The following EIF2AK3 variants were observed in gnomAD, a reference collection of about 807,000 sequenced individuals.
EIF2AK3 encodes eukaryotic translation initiation factor 2-alpha kinase 3.
In EIF2AK3, 50 loss-of-function variants were observed where a neutral mutation model predicts 113.5. The ratio of observed to expected loss-of-function variants is 0.44; its 90% CI spans 0.35 to 0.56. EIF2AK3 has a LOEUF of 0.56. Among genes scored for constraint, EIF2AK3 ranks in the 20% least tolerant of loss-of-function variants. The probability of loss-of-function intolerance (pLI) is 0.00; values close to 1 mark genes in which losing one functional copy is unlikely to be tolerated. For missense variants in EIF2AK3, 1,185 were observed against 1,378.0 expected, an observed-to-expected ratio of 0.86 and a Z score of 2.22; for synonymous variants, 448 against 495.4, an observed-to-expected ratio of 0.90 and a Z score of 1.27.
intron 1 of EIF2AK3, among the ~76,000 whole-genome samples, chr2:88,618,318 C>CTT (rs1179167414): frequency 6.6e-6 from 1 of 152,212 alleles, no homozygotes; most frequent in Non-Finnish European, 1.5e-5. Context: ...ATGAAAAACT[C>CTT]TTAACTTATT....
At chr2:88,563,009 A>G (rs1297169673) in intron 14 of EIF2AK3, among the ~76,000 whole-genome samples, 1 of 152,238 alleles carries the variant, frequency 6.6e-6, no homozygotes, top group African/African-American at 2.4e-5. Context: ...CTCAATAAAT[A>G]CTTAGTTGTT....
In EIF2AK3 at chr2:88,562,505, C is replaced by T. The variant is rs1421177829; in HGVS notation, c.2986-115G>A. On this transcript the variant is annotated intron_variant, in intron 14 of 16. Transcript: ENST00000303236. ...TCACTTCTTGGTTTAAATGCAAGTA[C>T]ATGTGTAAAAATGTTAGCAAAGAGT... The T allele has an allele frequency of 1.1e-5, 9 of 831,728 alleles. No homozygotes were observed. The East Asian group carries it at 2.3e-4, about 22-fold the overall frequency. The allele number at this position is 831,728 out of a possible 1,614,324, so 51.5% of individuals were successfully genotyped here.
At chr2:88,605,810 A>G (rs923241178) in intron 2 of EIF2AK3, among the ~76,000 whole-genome samples, 12 of 152,142 alleles carry the variant, frequency 7.9e-5, no homozygotes, top group African/African-American at 2.4e-4. Context: ...ATGGAAATAT[A>G]TATTTTTACT....
At chr2:88,614,203 T>G (rs889099503) in intron 1 of EIF2AK3, among the ~76,000 whole-genome samples, 3 of 152,208 alleles carry the variant, frequency 2.0e-5, no homozygotes, top group African/African-American at 7.2e-5. Flanking sequence ...CTTATCTTTT[T>G]GCTCTCATAG....
At chr2:88,627,671 T>TC (rs768715921), upstream of EIF2AK3, 1 of 184,450 alleles carries the variant, frequency 5.4e-6, no homozygotes, top group Non-Finnish European at 1.1e-5. Flanking sequence ...GAAATGCCCT[T>TC]CCCCGACGTC....
At chr2:88,620,290 TCCCCCC>T (rs1675690438) in intron 1 of EIF2AK3, among the ~76,000 whole-genome samples, 1 of 151,982 alleles carries the variant, frequency 6.6e-6, no homozygotes, top group African/African-American at 2.4e-5. Context: ...AGCTCCACAC[TCCCCCC>T]TTTCCATGGG....
rs760891399 is a variant in EIF2AK3, at chr2:88,613,735, T to A, written c.427A>T (p.Ser143Cys). ...GSGSLVSSSLSKPEVFGNKMI... is the reference protein window; with the variant it reads ...GSGSLVSSSLCKPEVFGNKMI... ...CAGAAAATTCTTACCTCTGGTTTGC[T>A]AAGGCTGGATGACACCAAGGAACCG... The change falls in exon 2 of 17, where the codon AGC (serine) becomes TGC (cysteine). Residue 143 changes from serine to cysteine, a missense_variant. Ser to Cys is a moderately radical substitution (Grantham distance 112). Transcript: ENST00000303236. 2.5e-6 allele frequency: 4 copies of A among 1,613,994 alleles called. No individual in the cohort carries two copies. In the South Asian group the frequency reaches 4.4e-5, roughly 18 times the overall value.
rs1228918071 is a variant in EIF2AK3 at position 88,585,865 on chromosome 2, C to A, written c.1626G>T (p.Arg542Ser). ...CIIATTFIVR[R>S]LFHPHPHRQR... ...CCCTGTGAGGATGAGGATGGAAAAGCCTGCGCACAATAAACGTTGTTGCTA... is the reference window on the plus strand; with the variant it reads ...CCCTGTGAGGATGAGGATGGAAAAGACTGCGCACAATAAACGTTGTTGCTA... Residue 542 changes from arginine to serine, a missense_variant, in exon 9 of 17, where the codon AGG (arginine) becomes AGT (serine). By Grantham distance (110) the Arg-to-Ser change is moderately radical (BLOSUM62 -1). Coordinates refer to ENST00000303236, the MANE Select transcript of EIF2AK3 (RefSeq NM_004836.7). 6.2e-7 allele frequency: 1 copy of A among 1,613,760 alleles called. No homozygotes were observed.
chr2:88,602,188 G>A (rs573771867), intron 2 of EIF2AK3, among the ~76,000 whole-genome samples: 2 of 151,980 alleles, frequency 1.3e-5, no homozygotes, highest in African/African-American at 2.4e-5. Flanking sequence ...TTCCTCATTC[G>A]GTTTTGGAAG....
chr2:88,606,543 G>T (rs1675284390), intron 2 of EIF2AK3, among the ~76,000 whole-genome samples: 1 of 152,170 alleles, frequency 6.6e-6, no homozygotes, highest in Admixed American at 6.5e-5. Context: ...AAAATAAACT[G>T]CCATCTTAGA....
intron 13 of EIF2AK3, among the ~76,000 whole-genome samples, chr2:88,572,871 A>AG (rs1674348449): frequency 6.6e-6 from 1 of 152,228 alleles, no homozygotes; most frequent in African/African-American, 2.4e-5. Context: ...AGAATAATGA[A>AG]GAAGGACCAG....
At chr2:88,613,603 A>G (rs2104469802) in intron 2 of EIF2AK3, 121 bp downstream of exon 2, 3 of 1,053,706 alleles carry the variant, frequency 2.8e-6, no homozygotes, top group Admixed American at 1.8e-5. Flanking sequence ...CCCTAAAGGG[A>G]CACAAACTGT....
At chr2:88,593,933 T>C (rs1674947250) in intron 3 of EIF2AK3, 5 of 993,456 alleles carry the variant, frequency 5.0e-6, no homozygotes, top group African/African-American at 1.7e-5. Flanking sequence ...ACCAGAATTA[T>C]GTAGCAGCAC....
intron 2 of EIF2AK3, among the ~76,000 whole-genome samples, chr2:88,602,060 C>T (rs1348450186): frequency 6.6e-6 from 1 of 151,832 alleles, no homozygotes; most frequent in East Asian, 1.9e-4. Flanking sequence ...ACCATGTTAG[C>T]CAGGGTGGTC....
chr2:88,626,023 C>G (rs1420527625), intron 1 of EIF2AK3, among the ~76,000 whole-genome samples: 1 of 152,014 alleles, frequency 6.6e-6, no homozygotes, highest in Non-Finnish European at 1.5e-5. Context: ...CAGAGCCCAG[C>G]CTTCCCTAGT....
At chr2:88,579,287 C>T (rs184034227) in intron 11 of EIF2AK3, among the ~76,000 whole-genome samples, 2 of 152,056 alleles carry the variant, frequency 1.3e-5, no homozygotes, top group East Asian at 3.8e-4. Context: ...AAACGAAAGT[C>T]CTGAGTTAAT....
At position 88,579,538 on chromosome 2, in the gene EIF2AK3, C is replaced by T. The variant is rs1426850006; in HGVS notation, c.1866G>A (p.Lys622=). 6.2e-7 allele frequency: 1 copy of T among 1,613,660 alleles called. No individual in the cohort carries two copies. The highest frequency in any genetic ancestry group is 8.5e-7 in the Non-Finnish European group (1 of 1,179,788). Reference sequence around the variant, plus strand: ...ATTACCTATTGGGGAGACGGATCCTCTTGATAGCATAATTGCAGTCATCTA... The same window carrying T: ...ATTACCTATTGGGGAGACGGATCCTTTTGATAGCATAATTGCAGTCATCTA... ...NKVDDCNYAI[K]RIRLPNRELA... The change falls in exon 11 of 17, where the codon AAG becomes AAA. Residue 622 remains lysine (K), a synonymous_variant. Transcript: ENST00000303236.
chr2:88,576,991 T>TC (rs1294263895), intron 11 of EIF2AK3, among the ~76,000 whole-genome samples: 3 of 151,920 alleles, frequency 2.0e-5, no homozygotes, highest in African/African-American at 7.3e-5. Context: ...GTTATACTTT[T>TC]TTTTTTTTTT....
At chr2:88,570,739 G>T in intron 14 of EIF2AK3, 135 bp downstream of exon 14, 1 of 1,116,332 alleles carries the variant, frequency 9.0e-7, no homozygotes, top group Non-Finnish European at 1.3e-6. Context: ...TCCACTACTG[G>T]AACACTACTG....
Sources: gnomAD v4.1 joint callset for allele counts (sites outside exome capture counted in the v4.1 genomes callset) on GRCh38, gnomAD v4.1.1 for gene constraint, MANE v1.5 for transcripts, NCBI Gene and HGNC (gene_info 2026-07-23, HGNC 2026-07-21) for gene names.